The following TMEM108 variants were observed in gnomAD, a reference collection of about 807,000 sequenced individuals.
The protein encoded by TMEM108 is transmembrane protein 108.
A neutral mutation model predicts 35.1 loss-of-function variants in TMEM108; 12 were observed. That is an observed-to-expected ratio of 0.34 (90% CI 0.22 to 0.55). TMEM108 has a LOEUF of 0.55. Ranked by LOEUF, TMEM108 falls within the 20% of genes least tolerant of loss-of-function variation. TMEM108 has a pLI of 0.89. For synonymous variants in TMEM108, 287 were observed against 308.6 expected (o/e 0.93, Z 0.73); for missense variants, 680 against 753.3 (o/e 0.90, Z 1.14).
At position 133,229,249 on chromosome 3, in the gene TMEM108, T is replaced by C. The variant is rs1946117041; in HGVS notation, c.-46-17T>C. On this transcript the variant is annotated splice_polypyrimidine_tract_variant and intron_variant, in intron 2 of 5. Coordinates refer to ENST00000321871, the MANE Select transcript of TMEM108 (RefSeq NM_023943.4). The stretch of plus-strand genomic sequence containing the variant: ...ATGTTCCTCAGATGTAACAATTTTC[T>C]TCTCCCAATTTCCTAGACAGAATCA... 6.5e-7 allele frequency: 1 copy of C among 1,529,590 alleles called. No homozygotes were observed. The highest frequency in any genetic ancestry group is 1.8e-5 in the Admixed American group (1 of 55,520). The allele number at this position is 1,529,590 out of a possible 1,614,324, so 94.8% of individuals were successfully genotyped here.
intron 2 of TMEM108, among the ~76,000 whole-genome samples, chr3:133,218,201 T>C (rs1945937159): frequency 6.6e-6 from 1 of 151,990 alleles, no homozygotes; most frequent in African/African-American, 2.4e-5. Context: ...TTGCTCTCTT[T>C]AGATAGTTTG....
intron 2 of TMEM108, among the ~76,000 whole-genome samples, chr3:133,159,396 C>G (rs1013581100): frequency 2.0e-5 from 3 of 152,170 alleles, no homozygotes; most frequent in Non-Finnish European, 4.4e-5. Context: ...TCTTTGGCTG[C>G]ATTTATCCAT....
intron 2 of TMEM108, among the ~76,000 whole-genome samples, chr3:133,210,971 C>G (rs1056434242): frequency 6.6e-6 from 1 of 152,044 alleles, no homozygotes; most frequent in African/African-American, 2.4e-5. Flanking sequence ...TAGCTTAAGA[C>G]TTAAAGAAGT....
intron 3 of TMEM108, among the ~76,000 whole-genome samples, chr3:133,338,281 C>A (rs568115443): frequency 6.6e-6 from 1 of 152,114 alleles, no homozygotes; most frequent in Non-Finnish European, 1.5e-5. Flanking sequence ...TCCCAAACGT[C>A]AAGGATAAAG....
intron 2 of TMEM108, among the ~76,000 whole-genome samples, chr3:133,207,512 A>G (rs1945775140): frequency 6.6e-6 from 1 of 152,062 alleles, no homozygotes; most frequent in South Asian, 2.1e-4. Flanking sequence ...ACCTGTAAGT[A>G]TTGGCTATCA....
At chr3:133,302,195 G>A (rs915117920) in intron 3 of TMEM108, among the ~76,000 whole-genome samples, 5 of 152,108 alleles carry the variant, frequency 3.3e-5, no homozygotes, top group African/African-American at 9.7e-5. Context: ...TTGTGATGCC[G>A]TGCATCTCAC....
chr3:133,184,667 T>A (rs747764892), intron 2 of TMEM108, among the ~76,000 whole-genome samples: 54 of 152,224 alleles, frequency 3.5e-4, no homozygotes, highest in Admixed American at 8.5e-4. Flanking sequence ...ATTTTTAAAT[T>A]ATGTAATTAA....
At chr3:133,289,165 A>G (rs1484309713) in intron 3 of TMEM108, among the ~76,000 whole-genome samples, 6 of 152,084 alleles carry the variant, frequency 3.9e-5, no homozygotes, top group African/African-American at 9.7e-5. Flanking sequence ...CCATGATTTA[A>G]TGGTTCTTGG....
chr3:133,143,870 C>T (rs1944674411), intron 2 of TMEM108, among the ~76,000 whole-genome samples: 1 of 152,152 alleles, frequency 6.6e-6, no homozygotes, highest in Non-Finnish European at 1.5e-5. Flanking sequence ...TGCTTCCTCT[C>T]TTCTCTGATA....
At chr3:133,059,724 C>T (rs993823523) in intron 2 of TMEM108, among the ~76,000 whole-genome samples, 1 of 152,086 alleles carries the variant, frequency 6.6e-6, no homozygotes, top group Non-Finnish European at 1.5e-5. Context: ...CTCTCTGTTA[C>T]TTAGGTTCTC....
At chr3:133,232,499 G>A (rs1478477456) in intron 3 of TMEM108, among the ~76,000 whole-genome samples, 4 of 152,152 alleles carry the variant, frequency 2.6e-5, no homozygotes. Flanking sequence ...GCAGAACTGT[G>A]AGCCAAATAA....
At chr3:133,181,286 A>G (rs1200893829) in intron 2 of TMEM108, among the ~76,000 whole-genome samples, 6 of 152,106 alleles carry the variant, frequency 3.9e-5, no homozygotes, top group Non-Finnish European at 2.9e-5. Context: ...GGTCTTACCT[A>G]TGCCCCATTA....
intron 3 of TMEM108, among the ~76,000 whole-genome samples, chr3:133,337,126 A>G (rs1009404097): frequency 2.6e-5 from 4 of 152,168 alleles, no homozygotes; most frequent in African/African-American, 9.7e-5. Flanking sequence ...GCCTGGAGAA[A>G]CTTGCTGCCC....
At chr3:133,080,842 C>T (rs1480800518) in intron 2 of TMEM108, among the ~76,000 whole-genome samples, 3 of 152,018 alleles carry the variant, frequency 2.0e-5, no homozygotes, top group East Asian at 3.9e-4. Flanking sequence ...CTAGGACTTG[C>T]GTGAATGAAA....
chr3:133,156,779 G>A (rs1331260375), intron 2 of TMEM108, among the ~76,000 whole-genome samples: 3 of 152,042 alleles, frequency 2.0e-5, no homozygotes, highest in African/African-American at 7.2e-5. Flanking sequence ...GTCTTACTCT[G>A]GCCAATGAAA....
intron 2 of TMEM108, among the ~76,000 whole-genome samples, chr3:133,126,582 A>G (rs4854693): frequency 0.55 from 83,741 of 151,754 alleles, 23,477 homozygotes; most frequent in Admixed American, 0.61. Context: ...AGCTTTATAT[A>G]TAATTTTAAA....
intron 2 of TMEM108, among the ~76,000 whole-genome samples, chr3:133,173,357 T>A (rs938424979): frequency 6.6e-6 from 1 of 152,238 alleles, no homozygotes; most frequent in Non-Finnish European, 1.5e-5. Flanking sequence ...CTGATTTAGA[T>A]AATACTGCAT....
intron 2 of TMEM108, among the ~76,000 whole-genome samples, chr3:133,115,884 A>G (rs1944282128): frequency 6.6e-6 from 1 of 152,232 alleles, no homozygotes; most frequent in South Asian, 2.1e-4. Context: ...TTCAAAGGAT[A>G]GAATCATTGC....
In TMEM108 at chr3:133,395,995, G is replaced by A; in HGVS notation, c.*9G>A. On this transcript the variant is annotated 3_prime_UTR_variant, in exon 6 of 6. Transcript: ENST00000321871. ...AAGTATCTGAGATCTAACTACAGCAGGCATCACTTTGCCATTCCGTATTTT... is the reference window on the plus strand; with the variant it reads ...AAGTATCTGAGATCTAACTACAGCAAGCATCACTTTGCCATTCCGTATTTT... 6.5e-7 allele frequency: 1 copy of A among 1,542,164 alleles called. No individual in the cohort carries two copies. Among genetic ancestry groups the A allele is most frequent in the Admixed American group, 1.9e-5 (1 of 52,826 alleles).
Sources: gnomAD v4.1 joint callset for allele counts (sites outside exome capture counted in the v4.1 genomes callset) on GRCh38, gnomAD v4.1.1 for gene constraint, MANE v1.5 for transcripts, NCBI Gene and HGNC (gene_info 2026-07-23, HGNC 2026-07-21) for gene names.